LAMA4: variants seen among roughly 807,000 people sequenced by gnomAD.
LAMA4 encodes laminin subunit alpha 4.
A neutral mutation model predicts 207.1 loss-of-function variants in LAMA4; 127 were observed. The observed-to-expected ratio is 0.61, with a 90% confidence interval of 0.53 to 0.71. The LOEUF (loss-of-function observed/expected upper bound fraction) is 0.71, where lower values mean the gene tolerates loss of function less well. Among genes scored for constraint, LAMA4 ranks in the 30% least tolerant of loss-of-function variants. The pLI is 0.00. For synonymous variants in LAMA4, 761 were observed against 816.0 expected (o/e 0.93, Z 1.15); for missense variants, 2,093 against 2,246.5 (o/e 0.93, Z 1.38).
At chr6:112,173,444 G>A (rs1554342622) in intron 11 of LAMA4, among the ~76,000 whole-genome samples, 1 of 152,174 alleles carries the variant, frequency 6.6e-6, no homozygotes, top group Non-Finnish European at 1.5e-5. Context: ...TTCCATCACT[G>A]TAAGCAGAAC....
At chr6:112,186,087 GT>G (rs2114934241) in intron 8 of LAMA4, among the ~76,000 whole-genome samples, 1 of 152,274 alleles carries the variant, frequency 6.6e-6, no homozygotes, top group African/African-American at 2.4e-5. Flanking sequence ...TACAATTTTT[GT>G]TTTTGCTTAC....
intron 2 of LAMA4, among the ~76,000 whole-genome samples, chr6:112,229,090 A>G (rs1583954845): frequency 6.6e-6 from 1 of 152,212 alleles, no homozygotes; most frequent in Non-Finnish European, 1.5e-5. Context: ...AAAAATGTTA[A>G]TTTACCAACT....
chr6:112,211,451 T>A (rs1784350911), intron 3 of LAMA4, among the ~76,000 whole-genome samples: 2 of 152,224 alleles, frequency 1.3e-5, no homozygotes, highest in African/African-American at 4.8e-5. Context: ...CAAACCTGAA[T>A]TAAGCAGATA....
chr6:112,249,074 C>T (rs1787226070), intron 2 of LAMA4, among the ~76,000 whole-genome samples: 1 of 152,148 alleles, frequency 6.6e-6, no homozygotes, highest in Admixed American at 6.5e-5. Flanking sequence ...GTTATCTCAA[C>T]TTTTTGTAAC....
In LAMA4 at chr6:112,201,655, A is replaced by T. The variant is rs149106800; in HGVS notation, c.456T>A (p.Ala152=). 971 of 1,613,968 alleles carry T rather than the reference A, an allele frequency of 6.0e-4. No homozygotes were observed. The highest frequency in any genetic ancestry group is 8.0e-4 in the Non-Finnish European group (939 of 1,179,862). Residue 152 remains alanine (A), a synonymous_variant, in exon 5 of 39, where the codon GCT becomes GCA. Coordinates refer to ENST00000230538, the MANE Select transcript of LAMA4 (RefSeq NM_001105206.3). ...FAESCYRKNG[A]VRCICNENYA... ...AATTTTCGTTACAAATGCACCGAACAGCTCCATTTTTCCTATAGCAGGATT... is the reference window on the plus strand; with the variant it reads ...AATTTTCGTTACAAATGCACCGAACTGCTCCATTTTTCCTATAGCAGGATT...
At chr6:112,143,284 CTTTT>C (rs61620762) in intron 19 of LAMA4, among the ~76,000 whole-genome samples, 6 of 124,864 alleles carry the variant, frequency 4.8e-5, no homozygotes, top group Admixed American at 8.1e-5. Context: ...AAAACTAATA[CTTTT>C]TTTTTTTTTT....
intron 8 of LAMA4, 87 bp downstream of exon 8, chr6:112,187,360 CAGA>C: frequency 7.0e-7 from 1 of 1,436,414 alleles, no homozygotes; most frequent in Non-Finnish European, 9.8e-7. Flanking sequence ...GTATGAGACT[CAGA>C]TACAAAAAGG....
chr6:112,249,966 C>T (rs1787314077), intron 2 of LAMA4, among the ~76,000 whole-genome samples: 1 of 152,184 alleles, frequency 6.6e-6, no homozygotes, highest in African/African-American at 2.4e-5. Context: ...TATATAATGG[C>T]CACTTATTTT....
intron 4 of LAMA4, among the ~76,000 whole-genome samples, chr6:112,203,933 A>T (rs1554353331): frequency 6.6e-6 from 1 of 152,134 alleles, no homozygotes. Context: ...ATCCACTTAC[A>T]CAGAGAAAAA....
At chr6:112,237,213 C>T (rs927032138) in intron 2 of LAMA4, among the ~76,000 whole-genome samples, 8 of 152,130 alleles carry the variant, frequency 5.3e-5, no homozygotes, top group African/African-American at 1.9e-4. Context: ...CAGGAGAGCA[C>T]CAATTGTTTA....
Position 112,139,236 on chromosome 6 carries a change from C to G in LAMA4, c.3166G>C (p.Gly1056Arg), listed in dbSNP as rs145321940. The change falls in exon 24 of 39, where the codon GGT becomes CGT. Residue 1056 changes from glycine (G) to arginine (R), a missense_variant. This residue lies in a region of LAMA4 where 1,704 missense variants were observed against 1,788.4 expected (regional missense o/e 0.95). Transcript: ENST00000230538. ...RAASYFFDGS[G>R]YAVVRDITRR... is the part of the protein sequence containing the mutation. ...GTGATGTCTCTCACCACGGCATAACCGGAGCCATCGAAGAAGTAACTGGCA... is the reference window on the plus strand; with the variant it reads ...GTGATGTCTCTCACCACGGCATAACGGGAGCCATCGAAGAAGTAACTGGCA... 1 of 1,614,032 alleles carries G rather than the reference C, an allele frequency of 6.2e-7. No homozygotes were observed. The highest frequency in any genetic ancestry group is 1.3e-5 in the African/African-American group (1 of 74,908).
intron 28 of LAMA4, 85 bp downstream of exon 28, chr6:112,132,668 C>T: frequency 7.8e-7 from 1 of 1,278,772 alleles, no homozygotes; most frequent in Non-Finnish European, 1.1e-6. Context: ...AATAGAAAAT[C>T]ACTTCTAACA....
chr6:112,130,833 A>G (rs1778993273), intron 29 of LAMA4, 135 bp downstream of exon 29: 5 of 847,138 alleles, frequency 5.9e-6, no homozygotes, highest in East Asian at 5.0e-5. Context: ...TTTGAGGAAG[A>G]TAAGTTGTTC....
In LAMA4 at chr6:112,178,127, T is replaced by C. The variant is rs1782129938; in HGVS notation, c.1183A>G (p.Ile395Val). 1 of 1,606,256 alleles carries C rather than the reference T, an allele frequency of 6.2e-7. No individual in the cohort carries two copies. Among genetic ancestry groups the C allele is most frequent in the Non-Finnish European group, 8.5e-7 (1 of 1,172,944 alleles). Reference sequence around the variant, plus strand: ...CAGAAGAGAATATATTTACCTTGGATTTTATCCCTCATATCATGGGCTTGC... The same window carrying C: ...CAGAAGAGAATATATTTACCTTGGACTTTATCCCTCATATCATGGGCTTGC... The part of the protein sequence containing the change: ...VEQAHDMRDK[I>V]QEINNKMLYY... Residue 395 changes from isoleucine (I) to valine (V), a missense_variant, in exon 10 of 39, where the codon ATC becomes GTC. Transcript: ENST00000230538.
At chr6:112,245,375 T>A (rs1263489472) in intron 2 of LAMA4, among the ~76,000 whole-genome samples, 2 of 152,178 alleles carry the variant, frequency 1.3e-5, no homozygotes, top group African/African-American at 4.8e-5. Context: ...TTGGCTGGTG[T>A]CTATGTTATG....
At chr6:112,212,143 T>C (rs568199320) in intron 3 of LAMA4, among the ~76,000 whole-genome samples, 1 of 150,694 alleles carries the variant, frequency 6.6e-6, no homozygotes, top group South Asian at 2.1e-4. Flanking sequence ...AGGTGAGGAG[T>C]ATATGGGGAG....
intron 7 of LAMA4, among the ~76,000 whole-genome samples, 161 bp from the exon 8 acceptor site, chr6:112,187,762 G>A (rs1782781169): frequency 2.0e-5 from 3 of 152,094 alleles, no homozygotes; most frequent in Non-Finnish European, 2.9e-5. Flanking sequence ...TATCTTGCTT[G>A]GCATTAGCTA....
At chr6:112,111,023 A>G (rs1554321391) in intron 38 of LAMA4, among the ~76,000 whole-genome samples, 4 of 152,182 alleles carry the variant, frequency 2.6e-5, no homozygotes, top group African/African-American at 9.6e-5. Flanking sequence ...GGGCTACATT[A>G]ACAAAACCTT....
chr6:112,249,526 C>T (rs1037492318), intron 2 of LAMA4, among the ~76,000 whole-genome samples: 3 of 151,430 alleles, frequency 2.0e-5, no homozygotes, highest in Non-Finnish European at 2.9e-5. Context: ...TACCTAATCA[C>T]CTCTTCCTAG....
Sources: allele counts gnomAD v4.1 joint callset (sites outside exome capture counted in the v4.1 genomes callset), GRCh38; gene constraint gnomAD v4.1.1; regional missense constraint gnomAD v4.1.1; transcripts MANE v1.5; gene names NCBI Gene and HGNC (gene_info 2026-07-23, HGNC 2026-07-21).